KIAA1328: variants seen among roughly 807,000 people sequenced by gnomAD.
The protein encoded by KIAA1328 is protein hinderin.
Under a neutral mutation model 68.1 loss-of-function variants are expected in KIAA1328, and 52 were observed. That is an observed-to-expected ratio of 0.76 (90% CI 0.61 to 0.96). The LOEUF (loss-of-function observed/expected upper bound fraction) is 0.96. Ranked by LOEUF, KIAA1328 falls within the 40% of genes least tolerant of loss-of-function variation. The probability of loss-of-function intolerance (pLI) is 0.00; values close to 1 mark genes in which losing one functional copy is unlikely to be tolerated. For missense variants in KIAA1328, 641 were observed against 677.6 expected, an observed-to-expected ratio of 0.95 and a Z score of 0.60; for synonymous variants, 232 against 239.4, an observed-to-expected ratio of 0.97 and a Z score of 0.28.
At chr18:37,082,423 C>T (rs929067431) in intron 7 of KIAA1328, among the ~76,000 whole-genome samples, 14 of 152,132 alleles carry the variant, frequency 9.2e-5, no homozygotes, top group Non-Finnish European at 1.6e-4. Context: ...CTGCCCGCCT[C>T]GGTCTCCCAA....
chr18:36,982,512 A>T (rs1318789478), intron 6 of KIAA1328, among the ~76,000 whole-genome samples: 1 of 151,946 alleles, frequency 6.6e-6, no homozygotes, highest in Non-Finnish European at 1.5e-5. Context: ...TTTTAAAAAA[A>T]TGTCAACATC....
chr18:37,226,416 T>C (rs2060637750), downstream of KIAA1328, among the ~76,000 whole-genome samples: 1 of 152,114 alleles, frequency 6.6e-6, no homozygotes, highest in Non-Finnish European at 1.5e-5. Flanking sequence ...TTTAGAACAT[T>C]TTCATCACTC....
intron 7 of KIAA1328, chr18:37,074,653 T>G (rs2151763917): frequency 6.6e-6 from 1 of 152,484 alleles, no homozygotes; most frequent in South Asian, 2.1e-4. Flanking sequence ...TCAGCTCCTT[T>G]AAGCACGTCT....
At chr18:37,185,469 A>G (rs2059777812) in intron 9 of KIAA1328, among the ~76,000 whole-genome samples, 1 of 152,182 alleles carries the variant, frequency 6.6e-6, no homozygotes, top group East Asian at 1.9e-4. Context: ...GTCACATAGA[A>G]AAACATGACT....
intron 9 of KIAA1328, among the ~76,000 whole-genome samples, chr18:37,196,213 A>G (rs1447510827): frequency 1.3e-5 from 2 of 152,174 alleles, no homozygotes; most frequent in East Asian, 3.9e-4. Context: ...TTTTCTAAAT[A>G]TAAGAACATG....
chr18:37,101,984 G>A (rs1295407855), intron 7 of KIAA1328, among the ~76,000 whole-genome samples: 1 of 151,952 alleles, frequency 6.6e-6, no homozygotes, highest in Non-Finnish European at 1.5e-5. Flanking sequence ...TGGAGAGGGG[G>A]GATTTCTCCC....
At chr18:37,114,226 G>A (rs775465630) in intron 7 of KIAA1328, among the ~76,000 whole-genome samples, 18 of 152,180 alleles carry the variant, frequency 1.2e-4, no homozygotes, top group Middle Eastern at 3.4e-3. Flanking sequence ...GCACCACGTC[G>A]CACTTATTCC....
In KIAA1328 at chr18:37,225,150, CAG is replaced by C. The variant is rs35952844; in HGVS notation, c.*2924_*2925del. The C allele has an allele frequency of 0.16, 160,236 of 985,076 alleles. 13,924 individuals carry two copies. The highest frequency in any genetic ancestry group is 0.17 in the Non-Finnish European group (144,364 of 829,678). The allele number at this position is 985,076 out of a possible 1,614,324, so 61.0% of individuals were successfully genotyped here. A position where few individuals can be genotyped will look rare whatever the true frequency, so the allele number is the denominator to read the frequency against. ...AATAGAGATCTTCTGGCCAGAGAATCAGGGGAGAGGAGAGGCCTGATGGGGCA... is the reference window on the plus strand; with the variant it reads ...AATAGAGATCTTCTGGCCAGAGAATCGGGAGAGGAGAGGCCTGATGGGGCA... On this transcript the variant is annotated 3_prime_UTR_variant, in exon 10 of 10. Transcript: ENST00000280020.
intron 7 of KIAA1328, among the ~76,000 whole-genome samples, chr18:37,080,076 C>T (rs2056898685): frequency 6.6e-6 from 1 of 152,140 alleles, no homozygotes; most frequent in Non-Finnish European, 1.5e-5. Flanking sequence ...ACAGTATACT[C>T]TGGTGGTAGG....
Position 37,020,054 on chromosome 18 carries a change from T to A in KIAA1328, c.577-46836T>A, listed in dbSNP as rs575393985. 1.8e-4 allele frequency among the ~76,000 whole-genome samples: 27 copies of A among 152,250 alleles called. 1 individual carries two copies. Among genetic ancestry groups the A allele is most frequent in the African/African-American group, 5.3e-4 (22 of 41,550 alleles). ...AGCAGAGGGCCCTTTTGCACGAAGA[T>A]CTCTGCACAGGTGGGGTGGGGTGAT... On this transcript the variant is annotated intron_variant, in intron 6 of 9. Coordinates refer to ENST00000280020, the MANE Select transcript of KIAA1328 (RefSeq NM_020776.3).
At chr18:37,143,665 A>G (rs112409482) in intron 7 of KIAA1328, among the ~76,000 whole-genome samples, 2,516 of 151,878 alleles carry the variant, frequency 0.017, 34 homozygotes, top group Non-Finnish European at 0.024. Flanking sequence ...AATGTTAAAT[A>G]CAAGTTTTTG....
intron 9 of KIAA1328, among the ~76,000 whole-genome samples, chr18:37,178,655 C>T (rs1397522005): frequency 3.3e-5 from 5 of 152,068 alleles, no homozygotes; most frequent in African/African-American, 1.2e-4. Flanking sequence ...TGAGGAGCAT[C>T]CATACTATTT....
At chr18:36,856,057 A>G (rs963258300) in intron 4 of KIAA1328, among the ~76,000 whole-genome samples, 5 of 151,874 alleles carry the variant, frequency 3.3e-5, no homozygotes, top group Non-Finnish European at 7.4e-5. Flanking sequence ...TGACTATCTT[A>G]TTGAAGATTC....
At chr18:36,918,350 G>A (rs1300883278) in intron 5 of KIAA1328, among the ~76,000 whole-genome samples, 1 of 150,036 alleles carries the variant, frequency 6.7e-6, no homozygotes, top group African/African-American at 2.4e-5. Flanking sequence ...ATTTACTTTG[G>A]GCTTAATTTG....
intron 5 of KIAA1328, among the ~76,000 whole-genome samples, chr18:36,912,289 G>A (rs1022713245): frequency 2.0e-5 from 3 of 152,142 alleles, no homozygotes; most frequent in Admixed American, 6.6e-5. Context: ...CCCTTCTGGA[G>A]GCTCTAGGGA....
chr18:36,933,074 T>G lies in KIAA1328; in HGVS notation c.449-26234T>G, dbSNP rs144543901. Among the ~76,000 whole-genome samples, 291 of 152,286 alleles carry G rather than the reference T, an allele frequency of 1.9e-3. 1 individual carries two copies. Among genetic ancestry groups the G allele is most frequent in the Admixed American group, 4.4e-3 (68 of 15,298 alleles). On this transcript the variant is annotated intron_variant, in intron 5 of 9. Coordinates refer to ENST00000280020, the MANE Select transcript of KIAA1328 (RefSeq NM_020776.3). ...CAATTCTGTAGCCCTAATCTCACCTTAATGATTTGCATTCAACACACATAT... is the reference window on the plus strand; with the variant it reads ...CAATTCTGTAGCCCTAATCTCACCTGAATGATTTGCATTCAACACACATAT...
chr18:36,897,518 A>G (rs1021346682), intron 5 of KIAA1328, among the ~76,000 whole-genome samples: 52 of 152,118 alleles, frequency 3.4e-4, no homozygotes, highest in Admixed American at 1.3e-4. Context: ...GATAAAACCA[A>G]CAGAAATGGA....
intron 7 of KIAA1328, among the ~76,000 whole-genome samples, chr18:37,086,158 T>G (rs926041904): frequency 6.6e-6 from 1 of 152,188 alleles, no homozygotes; most frequent in African/African-American, 2.4e-5. Flanking sequence ...GGAGGTCTGT[T>G]GTATAACATG....
Position 36,885,575 on chromosome 18 carries a change from A to G in KIAA1328, c.351A>G (p.Glu117=). The G allele has an allele frequency of 1.3e-6, 2 of 1,562,988 alleles. No homozygotes were observed. The highest frequency in any genetic ancestry group is 1.7e-6 in the Non-Finnish European group (2 of 1,160,444). The change falls in exon 5 of 10, where the codon GAA becomes GAG. Residue 117 remains glutamate (E), a synonymous_variant. Transcript: ENST00000280020. Reference sequence around the variant, plus strand: ...ATTTCAGAGTAAGTGAGGAAAAGGAAGTGACAGAGGAAAGACTGAAAGCTG... The same window carrying G: ...ATTTCAGAGTAAGTGAGGAAAAGGAGGTGACAGAGGAAAGACTGAAAGCTG... ...KELARVSEEK[E]VTEERLKAEQ...
Sources: allele counts gnomAD v4.1 joint callset (sites outside exome capture counted in the v4.1 genomes callset), GRCh38; gene constraint gnomAD v4.1.1; transcripts MANE v1.5; gene names NCBI Gene and HGNC (gene_info 2026-07-23, HGNC 2026-07-21).